PDE10A: variants seen among roughly 807,000 people sequenced by gnomAD.
PDE10A encodes the protein phosphodiesterase 10A.
Under a neutral mutation model 97.7 loss-of-function variants are expected in PDE10A, and 39 were observed. That is an observed-to-expected ratio of 0.40 (90% CI 0.31 to 0.52). The LOEUF is 0.52. Among genes scored for constraint, PDE10A ranks in the 20% least tolerant of loss-of-function variants. The pLI is 0.56. For missense variants in PDE10A, 731 were observed against 1,047.8 expected (o/e 0.70, Z 4.17); for synonymous variants, 371 against 376.8 (o/e 0.98, Z 0.18).
intron 1 of PDE10A, among the ~76,000 whole-genome samples, chr6:165,761,740 CT>C (rs568790349): frequency 6.6e-6 from 1 of 151,892 alleles, no homozygotes; most frequent in Admixed American, 6.6e-5. Flanking sequence ...ATTATATATG[CT>C]TTAATTAATA....
intron 1 of PDE10A, among the ~76,000 whole-genome samples, chr6:165,753,667 T>C (rs757368876): frequency 2.6e-5 from 4 of 152,224 alleles, no homozygotes; most frequent in Admixed American, 6.5e-5. Context: ...TGACTTTCAA[T>C]AATTTATTAT....
chr6:165,583,528 G>A (rs1303059850), intron 1 of PDE10A, among the ~76,000 whole-genome samples: 9 of 152,154 alleles, frequency 5.9e-5, no homozygotes, highest in Non-Finnish European at 1.0e-4. Flanking sequence ...TAACTTCAAG[G>A]TATTCCACAC....
At chr6:165,493,256 C>T (rs545071621) in intron 2 of PDE10A, among the ~76,000 whole-genome samples, 1 of 152,142 alleles carries the variant, frequency 6.6e-6, no homozygotes, top group Admixed American at 6.5e-5. Flanking sequence ...AATGACCAGA[C>T]TGCCAAAAGT....
chr6:165,821,978 G>A (rs191702578), intron 1 of PDE10A, among the ~76,000 whole-genome samples: 6 of 152,192 alleles, frequency 3.9e-5, no homozygotes, highest in Non-Finnish European at 1.5e-5. Flanking sequence ...TCGTGGCATC[G>A]TCAGCCCTGA....
rs1202292421 is a variant in PDE10A, at chr6:165,661,738, AC to A, written c.865+208del. Among the ~76,000 whole-genome samples, 2 of 151,700 alleles carry A rather than the reference AC, an allele frequency of 1.3e-5. No homozygotes were observed. Among genetic ancestry groups the A allele is most frequent in the Non-Finnish European group, 1.5e-5 (1 of 67,892 alleles). On this transcript the variant is annotated intron_variant, in intron 1 of 21. Transcript: ENST00000539869. The surrounding 1 kb of genome is among the most constrained non-coding windows in gnomAD (Gnocchi z 4.8). ...CCCGAGCGCTCGCGGAGCCTGGGAA[AC>A]CCCGGCGTCCCTGCGCGGCCGAACG... is the stretch of plus-strand genomic sequence containing the variant.
At chr6:165,619,651 AG>A (rs1420346475) in intron 1 of PDE10A, among the ~76,000 whole-genome samples, 1 of 149,774 alleles carries the variant, frequency 6.7e-6, no homozygotes, top group African/African-American at 2.5e-5. Context: ...AGTATAGTCT[AG>A]TGTAGTATAG....
intron 3 of PDE10A, among the ~76,000 whole-genome samples, chr6:165,458,889 T>C (rs1778124967): frequency 6.6e-6 from 1 of 152,096 alleles, no homozygotes; most frequent in African/African-American, 2.4e-5. Context: ...AGTTCACCTG[T>C]TGTCCCAAAA....
chr6:165,718,834 C>T (rs1349363173), intron 1 of PDE10A, among the ~76,000 whole-genome samples: 2 of 152,064 alleles, frequency 1.3e-5, no homozygotes, highest in Admixed American at 6.6e-5. Flanking sequence ...CCAAGGAAAG[C>T]TTCCAACAAG....
chr6:165,350,176 A>G (rs1583088633), intron 18 of PDE10A, among the ~76,000 whole-genome samples: 1 of 152,330 alleles, frequency 6.6e-6, no homozygotes, highest in East Asian at 1.9e-4. Flanking sequence ...ATGCCAGCCC[A>G]TGCAAGCAGC....
intron 1 of PDE10A, among the ~76,000 whole-genome samples, chr6:165,926,724 G>A (rs1782945948): frequency 6.6e-6 from 1 of 152,124 alleles, no homozygotes; most frequent in African/African-American, 2.4e-5. Context: ...GTGTCAGACA[G>A]GCTGGGCTCC....
intron 18 of PDE10A, among the ~76,000 whole-genome samples, chr6:165,360,711 C>G (rs1438625063): frequency 6.6e-6 from 1 of 152,100 alleles, no homozygotes; most frequent in African/African-American, 2.4e-5. Context: ...TTGAAAGGGC[C>G]CATATTTGAC....
At chr6:165,962,733 C>T (rs946047120) in intron 1 of PDE10A, among the ~76,000 whole-genome samples, 1 of 152,198 alleles carries the variant, frequency 6.6e-6, no homozygotes, top group Admixed American at 6.5e-5. Flanking sequence ...ATTAACTGTC[C>T]TCATTATGAC....
intron 1 of PDE10A, among the ~76,000 whole-genome samples, chr6:165,943,226 A>AAGGAAGGAAGGAAG (rs1783614663): frequency 6.0e-5 from 3 of 50,024 alleles, no homozygotes; most frequent in African/African-American, 1.8e-4. Context: ...AAAGAAAGAA[A>AAGGAAGGAAGGAAG]GAAAGAAAGA....
In PDE10A at chr6:165,598,724, T is replaced by C. The variant is rs552744878; in HGVS notation, c.866-55156A>G. ...TCTTCTATTAAGCTCATACAATAGG[T>C]AGAATCACAAACTAATTTTCAAAGA... On this transcript the variant is annotated intron_variant, in intron 1 of 21. Coordinates refer to ENST00000539869, the MANE Select transcript of PDE10A (RefSeq NM_001385079.1). Among the ~76,000 whole-genome samples the C allele has an allele frequency of 6.6e-4, 100 of 152,294 alleles. 2 individuals are homozygous for C. Among genetic ancestry groups the C allele is most frequent in the African/African-American group, 2.4e-3 (98 of 41,564 alleles).
chr6:165,386,146 C>T (rs1028607828), intron 17 of PDE10A, among the ~76,000 whole-genome samples: 4 of 152,224 alleles, frequency 2.6e-5, no homozygotes, highest in African/African-American at 9.6e-5. Flanking sequence ...TCTGCAAGCC[C>T]CACATCGCGG....
At chr6:165,470,710 T>A (rs2128270937) in intron 3 of PDE10A, among the ~76,000 whole-genome samples, 1 of 152,292 alleles carries the variant, frequency 6.6e-6, no homozygotes, top group South Asian at 2.1e-4. Flanking sequence ...AGTGAGTAAA[T>A]GGTAATTAGT....
rs543930394 is a variant in PDE10A, at chr6:165,541,376, G to T, written c.994+2064C>A. Among the ~76,000 whole-genome samples, 22 of 152,164 alleles carry T rather than the reference G, an allele frequency of 1.4e-4. No homozygotes were observed. In the South Asian group the frequency reaches 2.1e-3, roughly 14 times the overall value. ...GTAGAGTTTCAGTTACACACTGCTG[G>T]TCTTAACAATTATTTAACTCTTCTG... On this transcript the variant is annotated intron_variant, in intron 2 of 21. Transcript: ENST00000539869.
intron 1 of PDE10A, among the ~76,000 whole-genome samples, chr6:165,955,445 C>A (rs796479971): frequency 3.5e-4 from 53 of 152,304 alleles, no homozygotes; most frequent in African/African-American, 1.3e-3. Context: ...TTTGCTCACA[C>A]ACCTTTGCCA....
intron 1 of PDE10A, among the ~76,000 whole-genome samples, chr6:165,973,409 G>A (rs1441781779): frequency 2.2e-5 from 3 of 137,800 alleles, no homozygotes; most frequent in African/African-American, 5.6e-5. Context: ...GTGAAATTCC[G>A]CCTCAAAAAA....
Sources: allele counts gnomAD v4.1 joint callset (sites outside exome capture counted in the v4.1 genomes callset), GRCh38; gene constraint gnomAD v4.1.1; non-coding constraint Gnocchi (gnomAD v3.1); transcripts MANE v1.5; gene names NCBI Gene and HGNC (gene_info 2026-07-23, HGNC 2026-07-21).